Variants in PDE6G observed in about 807,000 individuals in gnomAD.
PDE6G encodes rod cGMP 3',5'-cyclic phosphodiesterase subunit gamma.
In PDE6G, 10 loss-of-function variants were observed where a neutral mutation model predicts 10.9. That is an observed-to-expected ratio of 0.91 (90% CI 0.56 to 1.55). The LOEUF is 1.55. PDE6G is among the 40% of genes most tolerant of loss of function. The probability of loss-of-function intolerance (pLI) is 0.00; values close to 1 mark genes in which losing one functional copy is unlikely to be tolerated. For synonymous variants in PDE6G, 41 were observed against 42.8 expected (o/e 0.96, Z 0.16); for missense variants, 102 against 110.1 (o/e 0.93, Z 0.33).
chr17:81,656,988 C>G (rs527262019), upstream of PDE6G: 10 of 267,300 alleles, frequency 3.7e-5, no homozygotes, highest in South Asian at 1.7e-4. Flanking sequence ...GACCCCCCCC[C>G]GCCCTTAGGG....
intron 1 of PDE6G, among the ~76,000 whole-genome samples, chr17:81,662,392 G>A (rs1193459078): frequency 6.6e-6 from 1 of 152,184 alleles, no homozygotes; most frequent in Non-Finnish European, 1.5e-5. Context: ...GGAGGCTGAG[G>A]TGGGCAGATG....
Position 81,651,555 on chromosome 17 carries a change from G to A in PDE6G, c.187+90C>T. 1 of 1,191,550 alleles carries A rather than the reference G, an allele frequency of 8.4e-7. No individual in the cohort carries two copies. The highest frequency in any genetic ancestry group is 1.2e-5 in the South Asian group (1 of 81,618). 73.8% of individuals were successfully genotyped at this position (1,191,550 alleles called of 1,614,324 possible). A position where few individuals can be genotyped will look rare whatever the true frequency, so the allele number is the denominator to read the frequency against. Reference sequence around the variant, plus strand: ...TAAGTGAAAAGCAGGGGAGGTGGGGGCCGAGGTGGGCTGCAATGGGCCCCG... The same window carrying A: ...TAAGTGAAAAGCAGGGGAGGTGGGGACCGAGGTGGGCTGCAATGGGCCCCG... On this transcript the variant is annotated intron_variant, in intron 3 of 3. Coordinates refer to ENST00000331056, the MANE Select transcript of PDE6G (RefSeq NM_002602.4). The surrounding 1 kb of genome is among the most constrained non-coding windows in gnomAD (Gnocchi z 4.8).
upstream of PDE6G, among the ~76,000 whole-genome samples, chr17:81,659,577 C>T (rs1465732180): frequency 6.6e-6 from 1 of 151,662 alleles, no homozygotes; most frequent in South Asian, 2.1e-4. Context: ...CCAACCTGGG[C>T]GACAGAGGAA....
chr17:81,653,407 T>TC lies in PDE6G; in HGVS notation c.-59-44dup. On this transcript the variant is annotated intron_variant, in intron 1 of 3. Transcript: ENST00000331056. This position sits in a 1 kb window ranked among gnomAD's most constrained non-coding sequence, Gnocchi z 5.2. Reference sequence around the variant, plus strand: ...CCGGGTCCCAGTCAGCCCTCCTGCTTCCAACCCTTGTGGGGGTCTCAACCC... The same window carrying TC: ...CCGGGTCCCAGTCAGCCCTCCTGCTTCCCAACCCTTGTGGGGGTCTCAACCC... 7.1e-7 allele frequency: 1 copy of TC among 1,408,978 alleles called. No homozygotes were observed. The highest frequency in any genetic ancestry group is 9.7e-7 in the Non-Finnish European group (1 of 1,027,722). 87.3% of individuals were successfully genotyped at this position (1,408,978 alleles called of 1,614,324 possible).
At chr17:81,661,898 G>A (rs2036515774) in intron 1 of PDE6G, among the ~76,000 whole-genome samples, 1 of 151,274 alleles carries the variant, frequency 6.6e-6, no homozygotes, top group African/African-American at 2.4e-5. Context: ...GGGCATGGTG[G>A]CAGGTGCCTG....
At chr17:81,654,715 C>G (rs773596968) in intron 1 of PDE6G, among the ~76,000 whole-genome samples, 1 of 150,396 alleles carries the variant, frequency 6.6e-6, no homozygotes, top group Non-Finnish European at 1.5e-5. Flanking sequence ...AAGTAGCCCC[C>G]TAGGATCCTA....
Position 81,651,829 on chromosome 17 carries a change from TC to T in PDE6G, c.147-145del, listed in dbSNP as rs2144397879. 1 of 853,658 alleles carries T rather than the reference TC, an allele frequency of 1.2e-6. No individual in the cohort carries two copies. Among genetic ancestry groups the T allele is most frequent in the Non-Finnish European group, 1.9e-6 (1 of 520,502 alleles). The allele number at this position is 853,658 out of a possible 1,614,324, so 52.9% of individuals were successfully genotyped here. On this transcript the variant is annotated intron_variant, in intron 2 of 3. Transcript: ENST00000331056. This position sits in a 1 kb window ranked among gnomAD's most constrained non-coding sequence, Gnocchi z 4.8. ...GCAGAGACCCGCCTCCTCCCCAACC[TC>T]CCAGGGCTTGGCGCATCTGAGGAGG...
At chr17:81,660,167 T>G (rs34843987), upstream of PDE6G, among the ~76,000 whole-genome samples, 13,303 of 152,076 alleles carry the variant, frequency 0.087, 825 homozygotes, top group East Asian at 0.22. Context: ...AATCCAGCAC[T>G]TTGGGAGGCT....
In PDE6G at chr17:81,651,895, A is replaced by G. The variant is rs934378648; in HGVS notation, c.147-210T>C. Among the ~76,000 whole-genome samples the G allele has an allele frequency of 5.3e-5, 8 of 152,174 alleles. No individual in the cohort carries two copies. The highest frequency in any genetic ancestry group is 5.2e-4 in the Admixed American group (8 of 15,274). On this transcript the variant is annotated intron_variant, in intron 2 of 3. Coordinates refer to ENST00000331056, the MANE Select transcript of PDE6G (RefSeq NM_002602.4). This position sits in a 1 kb window ranked among gnomAD's most constrained non-coding sequence, Gnocchi z 4.8. ...CCAGGGTGAGTCTGCTGCCCAGAGC[A>G]TCATGGGGCTGAGGCCTAGAAAAGG...
At chr17:81,656,921 C>A (rs2036454351), upstream of PDE6G, 1 of 406,230 alleles carries the variant, frequency 2.5e-6, no homozygotes, top group Non-Finnish European at 4.6e-6. Flanking sequence ...TGTGGCCTCA[C>A]ATCTCACCCC....
At chr17:81,656,813 T>C (rs1016873129), upstream of PDE6G, 13 of 596,398 alleles carry the variant, frequency 2.2e-5, no homozygotes, top group Admixed American at 5.4e-5. Flanking sequence ...GTCTGCTGTC[T>C]TGGGCCTCCC....
At position 81,654,379 on chromosome 17, in the gene PDE6G, C is replaced by T. The variant is rs200093440; in HGVS notation, c.-59-1015G>A. Among the ~76,000 whole-genome samples, 834 of 128,414 alleles carry T rather than the reference C, an allele frequency of 6.5e-3. 14 individuals carry two copies. The highest frequency in any genetic ancestry group is 0.024 in the African/African-American group (802 of 33,602). 84.2% of individuals were successfully genotyped at this position (128,414 alleles called of 152,430 possible). ...TCTCCCGGGCTGTTGCCCTCTGATTCTTTTTTTTTTTTTTTTTTGAGACAG... is the reference window on the plus strand; with the variant it reads ...TCTCCCGGGCTGTTGCCCTCTGATTTTTTTTTTTTTTTTTTTTTGAGACAG... On this transcript the variant is annotated intron_variant, in intron 1 of 3. Transcript: ENST00000331056.
In PDE6G at chr17:81,653,040, G is replaced by A. The variant is rs951266724; in HGVS notation, c.146+120C>T. On this transcript the variant is annotated intron_variant, in intron 2 of 3. Transcript: ENST00000331056. This position sits in a 1 kb window ranked among gnomAD's most constrained non-coding sequence, Gnocchi z 5.2. ...AGGCACCGCCCTACCTTCCCCAGCT[G>A]TGAGGCTGGGACCACTCACCCAGTG... 8 of 1,180,596 alleles carry A rather than the reference G, an allele frequency of 6.8e-6. No homozygotes were observed. Among genetic ancestry groups the A allele is most frequent in the Non-Finnish European group, 1.0e-5 (8 of 789,914 alleles). The allele number at this position is 1,180,596 out of a possible 1,614,324, so 73.1% of individuals were successfully genotyped here. A position where few individuals can be genotyped will look rare whatever the true frequency, so the allele number is the denominator to read the frequency against.
chr17:81,653,096 C>T lies in PDE6G; in HGVS notation c.146+64G>A. ...GCCCCAGGCTCTGCCCCGCCCTCCC[C>T]TTCCTGTGCAGCCTCAGGACCGCCT... On this transcript the variant is annotated intron_variant, in intron 2 of 3. Coordinates refer to ENST00000331056, the MANE Select transcript of PDE6G (RefSeq NM_002602.4). This position sits in a 1 kb window ranked among gnomAD's most constrained non-coding sequence, Gnocchi z 5.2. 6.3e-7 allele frequency: 1 copy of T among 1,589,078 alleles called. No individual in the cohort carries two copies. The highest frequency in any genetic ancestry group is 1.1e-5 in the South Asian group (1 of 90,484).
Position 81,651,180 on chromosome 17 carries a change from AGGATCCCACGGCCTAG to A in PDE6G, c.188-46_188-31del. 1 of 1,545,766 alleles carries A rather than the reference AGGATCCCACGGCCTAG, an allele frequency of 6.5e-7. No individual in the cohort carries two copies. Among genetic ancestry groups the A allele is most frequent in the Non-Finnish European group, 8.9e-7 (1 of 1,117,858 alleles). ...GGGAGAAACGGGCCACGGATCAGAG[AGGATCCCACGGCCTAG>A]GGACCCCCCCATCCCCTGTGGCCCT... is the stretch of plus-strand genomic sequence containing the variant. On this transcript the variant is annotated intron_variant, in intron 3 of 3. Transcript: ENST00000331056. This position sits in a 1 kb window ranked among gnomAD's most constrained non-coding sequence, Gnocchi z 4.8.
upstream of PDE6G, among the ~76,000 whole-genome samples, chr17:81,661,113 C>A (rs1187605149): frequency 6.6e-6 from 1 of 152,190 alleles, no homozygotes; most frequent in Non-Finnish European, 1.5e-5. Flanking sequence ...GTAGGCTGGG[C>A]ATGGTAGCTC....
upstream of PDE6G, among the ~76,000 whole-genome samples, chr17:81,660,164 C>A (rs1412540070): frequency 6.6e-6 from 1 of 152,106 alleles, no homozygotes; most frequent in East Asian, 1.9e-4. Flanking sequence ...TGTAATCCAG[C>A]ACTTTGGGAG....
At chr17:81,661,227 C>G (rs568846757), upstream of PDE6G, among the ~76,000 whole-genome samples, 3 of 152,316 alleles carry the variant, frequency 2.0e-5, no homozygotes, top group African/African-American at 7.2e-5. Flanking sequence ...CAGACACAGA[C>G]AAAAAACAAT....
upstream of PDE6G, among the ~76,000 whole-genome samples, chr17:81,661,449 G>A (rs562698611): frequency 1.3e-5 from 2 of 152,362 alleles, no homozygotes; most frequent in African/African-American, 4.8e-5. Flanking sequence ...AGGCACAGTG[G>A]CTCATGCCTG....
Sources: allele counts gnomAD v4.1 joint callset (sites outside exome capture counted in the v4.1 genomes callset), GRCh38; gene constraint gnomAD v4.1.1; non-coding constraint Gnocchi (gnomAD v3.1); transcripts MANE v1.5; gene names NCBI Gene and HGNC (gene_info 2026-07-23, HGNC 2026-07-21).